CNR1: variants seen among roughly 807,000 people sequenced by gnomAD.
The protein encoded by CNR1 is cannabinoid receptor 1, also known as cannabinoid receptor 1 (brain).
Under a neutral mutation model 23.0 loss-of-function variants are expected in CNR1, and 10 were observed. The observed-to-expected ratio is 0.43, with a 90% confidence interval of 0.27 to 0.74. The LOEUF (loss-of-function observed/expected upper bound fraction) is 0.74, where lower values mean the gene tolerates loss of function less well. Among genes scored for constraint, CNR1 ranks in the 30% least tolerant of loss-of-function variants. CNR1 has a pLI of 0.19. For synonymous variants in CNR1, 271 were observed against 255.2 expected, an observed-to-expected ratio of 1.06 and a Z score of -0.59; for missense variants, 422 against 618.8, an observed-to-expected ratio of 0.68 and a Z score of 3.37.
chr6:88,152,501 T>C (rs1331571694), intron 1 of CNR1, among the ~76,000 whole-genome samples: 1 of 152,242 alleles, frequency 6.6e-6, no homozygotes, highest in Non-Finnish European at 1.5e-5. Context: ...CCCATTTTAA[T>C]GCAACCAAGC....
chr6:88,158,569 C>T (rs1777922811), intron 1 of CNR1, among the ~76,000 whole-genome samples: 1 of 152,144 alleles, frequency 6.6e-6, no homozygotes, highest in Admixed American at 6.5e-5. Flanking sequence ...TTCTCAGGAT[C>T]CAGATCAGAT....
At chr6:88,156,400 TCA>T (rs1777798533) in intron 1 of CNR1, among the ~76,000 whole-genome samples, 2 of 152,138 alleles carry the variant, frequency 1.3e-5, no homozygotes, top group Non-Finnish European at 2.9e-5. Context: ...GGGACATGGG[TCA>T]GGTCAAGAAA....
chr6:88,146,856 A>C (rs1054079793), intron 1 of CNR1, among the ~76,000 whole-genome samples: 3 of 152,206 alleles, frequency 2.0e-5, no homozygotes, highest in Non-Finnish European at 4.4e-5. Flanking sequence ...ACTAACAATA[A>C]ATGAGTTATT....
Position 88,144,851 on chromosome 6 carries a change from G to A in CNR1, c.424C>T (p.Leu142Phe). 3.1e-6 allele frequency: 5 copies of A among 1,614,216 alleles called. No homozygotes were observed. The highest frequency in any genetic ancestry group is 4.2e-6 in the Non-Finnish European group (5 of 1,180,034). ...LENLLVLCVI[L>F]HSRSLRCRPS... ...CTGCAGCGGAGGCTGCGGGAGTGGA[G>A]GATGACGCACAGCACCAGGAGGTTC... The change falls in exon 2 of 2, where the codon CTC becomes TTC. Residue 142 changes from leucine (L) to phenylalanine (F), a missense_variant. Around this residue, in one of 4 missense-constraint regions of CNR1, gnomAD observed 211 missense variants for 357.3 expected, o/e 0.59. Coordinates refer to ENST00000369501, the MANE Select transcript of CNR1 (RefSeq NM_016083.6). This position sits in a 1 kb window ranked among gnomAD's most constrained non-coding sequence, Gnocchi z 7.8.
chr6:88,158,890 T>C (rs752277025), intron 1 of CNR1, among the ~76,000 whole-genome samples: 11 of 152,204 alleles, frequency 7.2e-5, no homozygotes, highest in Non-Finnish European at 1.5e-4. Flanking sequence ...TAGAATAATG[T>C]CATTTAGCCA....
intron 1 of CNR1, among the ~76,000 whole-genome samples, chr6:88,155,237 G>A (rs1777732653): frequency 6.6e-6 from 1 of 152,122 alleles, no homozygotes; most frequent in South Asian, 2.1e-4. Context: ...CCAACTAAAA[G>A]CCAAGTCTTA....
intron 1 of CNR1, among the ~76,000 whole-genome samples, chr6:88,153,246 A>G (rs1777622949): frequency 6.6e-6 from 1 of 152,180 alleles, no homozygotes; most frequent in Non-Finnish European, 1.5e-5. Flanking sequence ...AAGCTATGGT[A>G]TCATCAAAGG....
chr6:88,144,141 C>A lies in CNR1; in HGVS notation c.1134G>T (p.Val378=). The change falls in exon 2 of 2, where the codon GTG becomes GTT. Residue 378 remains valine (V), a synonymous_variant. Transcript: ENST00000369501. The surrounding 1 kb of genome is among the most constrained non-coding windows in gnomAD (Gnocchi z 7.8). ...FGKMNKLIKT[V]FAFCSMLCLL... is the part of the protein sequence containing the mutation. ...GGCAGAGCATACTGCAGAATGCAAACACCGTCTTAATGAGCTTGTTCATCT... is the reference window on the plus strand; with the variant it reads ...GGCAGAGCATACTGCAGAATGCAAAAACCGTCTTAATGAGCTTGTTCATCT... The A allele has an allele frequency of 6.2e-7, 1 of 1,614,032 alleles. No individual in the cohort carries two copies. Among genetic ancestry groups the A allele is most frequent in the Non-Finnish European group, 8.5e-7 (1 of 1,180,014 alleles).
intron 1 of CNR1, among the ~76,000 whole-genome samples, chr6:88,161,811 A>C (rs1428080248): frequency 1.3e-5 from 2 of 152,180 alleles, no homozygotes; most frequent in Non-Finnish European, 2.9e-5. Context: ...CCCACCTTAC[A>C]AACCTGCCCC....
At chr6:88,155,559 C>G (rs1280301136) in intron 1 of CNR1, among the ~76,000 whole-genome samples, 1 of 152,152 alleles carries the variant, frequency 6.6e-6, no homozygotes, top group Admixed American at 6.5e-5. Flanking sequence ...ATAAGACACC[C>G]TTTCATTCAT....
Position 88,143,414 on chromosome 6 carries a change from C to T in CNR1, c.*442G>A, listed in dbSNP as rs1776938627. The T allele has an allele frequency of 6.0e-6, 1 of 165,662 alleles. No individual in the cohort carries two copies. The highest frequency in any genetic ancestry group is 2.4e-5 in the African/African-American group (1 of 41,522). The allele number at this position is 165,662 out of a possible 1,614,324, so 10.3% of individuals were successfully genotyped here. ...AGCACATAAACACTGATACACATCT[C>T]ACAGGACATAATACATTTTACAAAA... On this transcript the variant is annotated 3_prime_UTR_variant, in exon 2 of 2. Coordinates refer to ENST00000369501, the MANE Select transcript of CNR1 (RefSeq NM_016083.6).
intron 1 of CNR1, among the ~76,000 whole-genome samples, chr6:88,160,383 C>T (rs1047612712): frequency 6.6e-6 from 1 of 151,592 alleles, no homozygotes; most frequent in Admixed American, 6.6e-5. Flanking sequence ...GTACAAACGT[C>T]CATATAAGTA....
upstream of CNR1, among the ~76,000 whole-genome samples, chr6:88,166,617 G>GT (rs1343280162): frequency 1.3e-5 from 2 of 152,144 alleles, no homozygotes; most frequent in African/African-American, 4.8e-5. Flanking sequence ...CGCTCCCGGA[G>GT]GCCCCCGCTG....
chr6:88,147,074 C>T (rs1274736784), intron 1 of CNR1, among the ~76,000 whole-genome samples: 1 of 152,030 alleles, frequency 6.6e-6, no homozygotes, highest in Non-Finnish European at 1.5e-5. Context: ...GGGCATATCA[C>T]GAAGTCAAGA....
In CNR1 at chr6:88,144,422, C is replaced by T. The variant is rs199892728; in HGVS notation, c.853G>A (p.Val285Ile). The T allele has an allele frequency of 8.0e-5, 129 of 1,614,118 alleles. No homozygotes were observed. The highest frequency in any genetic ancestry group is 6.7e-4 in the East Asian group (30 of 44,888). Residue 285 changes from valine (V) to isoleucine (I), a missense_variant, in exon 2 of 2, where the codon GTA becomes ATA. By Grantham distance (29) the Val-to-Ile change is conservative. Transcript: ENST00000369501. This position sits in a 1 kb window ranked among gnomAD's most constrained non-coding sequence, Gnocchi z 7.8. ...YLMFWIGVTS[V>I]LLLFIVYAYM... ...GCATACACGATGAACAGAAGCAGTACGCTGGTGACCCCGATCCAGAACATC... is the reference window on the plus strand; with the variant it reads ...GCATACACGATGAACAGAAGCAGTATGCTGGTGACCCCGATCCAGAACATC...
At chr6:88,158,460 T>G (rs1302879860) in intron 1 of CNR1, among the ~76,000 whole-genome samples, 2 of 152,172 alleles carry the variant, frequency 1.3e-5, no homozygotes, top group Non-Finnish European at 2.9e-5. Context: ...CAATGGTTTG[T>G]AAGTGCATGC....
At chr6:88,146,470 G>T in intron 1 of CNR1, among the ~76,000 whole-genome samples, 1 of 152,182 alleles carries the variant, frequency 6.6e-6, no homozygotes, top group Middle Eastern at 3.2e-3. Context: ...TCATGAGCAG[G>T]TTGGTGACAC....
chr6:88,156,450 G>T (rs572113438), intron 1 of CNR1, among the ~76,000 whole-genome samples: 8 of 152,084 alleles, frequency 5.3e-5, no homozygotes, highest in Admixed American at 5.2e-4. Flanking sequence ...CCTCCACCTC[G>T]AATACAGCCC....
At chr6:88,154,392 A>G (rs906523989) in intron 1 of CNR1, among the ~76,000 whole-genome samples, 6 of 152,232 alleles carry the variant, frequency 3.9e-5, no homozygotes, top group African/African-American at 1.4e-4. Flanking sequence ...CTACGTGGTG[A>G]TGATGCTAAG....
Sources: gnomAD v4.1 joint callset for allele counts (sites outside exome capture counted in the v4.1 genomes callset) on GRCh38, gnomAD v4.1.1 for gene constraint, gnomAD v4.1.1 regional missense constraint, Gnocchi (gnomAD v3.1) non-coding constraint, MANE v1.5 for transcripts, NCBI Gene and HGNC (gene_info 2026-07-23, HGNC 2026-07-21) for gene names.